The following HMBOX1 variants were observed in gnomAD, a reference collection of about 807,000 sequenced individuals.
The protein encoded by HMBOX1 is homeobox-containing protein 1.
HMBOX1 carries 14 observed loss-of-function variants against 54.5 expected under a neutral mutation model. That is an observed-to-expected ratio of 0.26 (90% CI 0.17 to 0.40). HMBOX1 has a LOEUF of 0.40. HMBOX1 is among the 10% of genes least tolerant of loss of function. HMBOX1 has a pLI of 1.00. For synonymous variants in HMBOX1, 160 were observed against 181.0 expected (o/e 0.88, Z 0.93); for missense variants, 332 against 514.4 (o/e 0.65, Z 3.43).
chr8:28,934,844 G>A (rs551579562), intron 1 of HMBOX1, among the ~76,000 whole-genome samples: 4 of 151,618 alleles, frequency 2.6e-5, no homozygotes, highest in African/African-American at 9.7e-5. Context: ...GGAGAATGGC[G>A]TGAACCCGGG....
intron 4 of HMBOX1, among the ~76,000 whole-genome samples, chr8:28,990,219 T>C (rs1394670772): frequency 6.6e-6 from 1 of 152,192 alleles, no homozygotes; most frequent in Non-Finnish European, 1.5e-5. Flanking sequence ...AGTTCAATCT[T>C]GAATAGAGTG....
chr8:28,949,177 A>G (rs924468750), intron 1 of HMBOX1, among the ~76,000 whole-genome samples: 3 of 152,200 alleles, frequency 2.0e-5, no homozygotes, highest in Non-Finnish European at 4.4e-5. Flanking sequence ...TATGATGATG[A>G]TAGGAGACTC....
chr8:28,992,869 C>CAAA (rs34488854), intron 4 of HMBOX1, among the ~76,000 whole-genome samples: 701 of 56,362 alleles, frequency 0.012, 46 homozygotes, highest in East Asian at 0.043. Flanking sequence ...GACTCTGTCT[C>CAAA]AAAAAAAAAA....
chr8:28,903,106 T>TACACAC (rs151039437), intron 1 of HMBOX1, among the ~76,000 whole-genome samples: 4 of 151,430 alleles, frequency 2.6e-5, no homozygotes, highest in African/African-American at 9.7e-5. Context: ...AGCTTTCTTT[T>TACACAC]ACACACACAC....
chr8:28,913,084 C>T (rs887462648), intron 1 of HMBOX1, among the ~76,000 whole-genome samples: 4 of 152,138 alleles, frequency 2.6e-5, no homozygotes, highest in African/African-American at 9.7e-5. Flanking sequence ...CCTATAGTCA[C>T]CCTGATCCAA....
chr8:29,035,829 T>G (rs1803763493), intron 6 of HMBOX1, among the ~76,000 whole-genome samples: 1 of 152,220 alleles, frequency 6.6e-6, no homozygotes, highest in African/African-American at 2.4e-5. Context: ...TGTTTCTCAG[T>G]TTTTCTTTAA....
intron 5 of HMBOX1, among the ~76,000 whole-genome samples, chr8:29,016,385 A>T (rs929168049): frequency 5.3e-5 from 8 of 152,158 alleles, no homozygotes; most frequent in African/African-American, 9.7e-5. Flanking sequence ...TTAAAGGGAA[A>T]TTTTTTGCTG....
Position 29,052,814 on chromosome 8 carries a change from T to C in HMBOX1, c.*1659T>C, listed in dbSNP as rs886464950. ...TTTCTGCCTCGCTCCATCTCTCCTATGTATAATGAAGCCTTGTTTAAAGGG... is the reference window on the plus strand; with the variant it reads ...TTTCTGCCTCGCTCCATCTCTCCTACGTATAATGAAGCCTTGTTTAAAGGG... On this transcript the variant is annotated 3_prime_UTR_variant, in exon 10 of 10. Coordinates refer to ENST00000287701, the MANE Select transcript of HMBOX1 (RefSeq NM_001135726.3). The C allele has an allele frequency of 2.0e-5, 3 of 152,190 alleles. No homozygotes were observed. The highest frequency in any genetic ancestry group is 7.2e-5 in the African/African-American group (3 of 41,440). 9.4% of individuals were successfully genotyped at this position (152,190 alleles called of 1,614,324 possible). A position where few individuals can be genotyped will look rare whatever the true frequency, so the allele number is the denominator to read the frequency against.
At chr8:28,995,644 A>G (rs554642703) in intron 4 of HMBOX1, among the ~76,000 whole-genome samples, 1 of 152,276 alleles carries the variant, frequency 6.6e-6, no homozygotes, top group Non-Finnish European at 1.5e-5. Context: ...ACTCACCAAC[A>G]CTTTATGATA....
chr8:28,927,452 G>A (rs1173324356), intron 1 of HMBOX1, among the ~76,000 whole-genome samples: 2 of 152,068 alleles, frequency 1.3e-5, no homozygotes, highest in Non-Finnish European at 2.9e-5. Flanking sequence ...ATCTGGTGAG[G>A]GTATCAGGCT....
At chr8:29,041,585 G>A (rs1373902512) in intron 6 of HMBOX1, among the ~76,000 whole-genome samples, 1 of 152,178 alleles carries the variant, frequency 6.6e-6, no homozygotes, top group African/African-American at 2.4e-5. Flanking sequence ...AGGAACAGAT[G>A]AAGTGCGGTG....
At position 28,902,936 on chromosome 8, in the gene HMBOX1, T is replaced by C. The variant is rs190625664; in HGVS notation, c.-58+12258T>C. On this transcript the variant is annotated intron_variant, in intron 1 of 9. Transcript: ENST00000287701. Reference sequence around the variant, plus strand: ...AAATACTGTTAATAATTTGCTTTGCTTTCAGGTTACAAGTGTATTCTCTAT... The same window carrying C: ...AAATACTGTTAATAATTTGCTTTGCCTTCAGGTTACAAGTGTATTCTCTAT... Among the ~76,000 whole-genome samples, 165 of 152,350 alleles carry C rather than the reference T, an allele frequency of 1.1e-3. 2 individuals are homozygous for C. The highest frequency in any genetic ancestry group is 3.8e-3 in the African/African-American group (158 of 41,580).
intron 6 of HMBOX1, among the ~76,000 whole-genome samples, chr8:29,023,716 A>G (rs1484705390): frequency 6.6e-6 from 1 of 152,096 alleles, no homozygotes; most frequent in East Asian, 1.9e-4. Context: ...TTTAGTAACC[A>G]TAAGATTGAT....
chr8:29,009,346 G>C (rs1429263926), intron 5 of HMBOX1, 164 bp downstream of exon 5: 1 of 668,824 alleles, frequency 1.5e-6, no homozygotes, highest in Non-Finnish European at 1.8e-6. Context: ...AACCCTGACT[G>C]TAATAAATTT....
At chr8:28,929,282 A>G (rs1819065861) in intron 1 of HMBOX1, among the ~76,000 whole-genome samples, 1 of 152,180 alleles carries the variant, frequency 6.6e-6, no homozygotes, top group South Asian at 2.1e-4. Context: ...GTGAAAGCAT[A>G]TGAAGTGTTT....
chr8:28,909,301 A>G (rs1028555080), intron 1 of HMBOX1, among the ~76,000 whole-genome samples: 3 of 152,150 alleles, frequency 2.0e-5, no homozygotes, highest in Non-Finnish European at 2.9e-5. Flanking sequence ...TTATAATCTC[A>G]TTGGCTGATA....
intron 4 of HMBOX1, among the ~76,000 whole-genome samples, chr8:28,993,529 T>G (rs1198461671): frequency 6.6e-6 from 1 of 152,140 alleles, no homozygotes; most frequent in African/African-American, 2.4e-5. Flanking sequence ...TATTTGTCCA[T>G]TAAAGAATAA....
At position 29,018,871 on chromosome 8, in the gene HMBOX1, G is replaced by A. The variant is rs760534979; in HGVS notation, c.809G>A (p.Ser270Asn). Residue 270 changes from serine (S) to asparagine (N), a missense_variant, in exon 6 of 10, where the codon AGT becomes AAT. By Grantham distance (46) the Ser-to-Asn change is conservative (BLOSUM62 1). Coordinates refer to ENST00000287701, the MANE Select transcript of HMBOX1 (RefSeq NM_001135726.3). The part of the protein sequence containing the change: ...TSGTFRLRRG[S>N]RFTWRKECLA... The stretch of plus-strand genomic sequence containing the variant: ...GGTACTTTCCGACTGCGACGAGGGA[G>A]TCGATTTACCTGGAGAAAGGAGTGC... The A allele has an allele frequency of 6.2e-7, 1 of 1,614,162 alleles. No homozygotes were observed. Among genetic ancestry groups the A allele is most frequent in the Admixed American group, 1.7e-5 (1 of 60,030 alleles).
At chr8:29,009,520 T>C (rs1833931157) in intron 5 of HMBOX1, 1 of 764,928 alleles carries the variant, frequency 1.3e-6, no homozygotes, top group Non-Finnish European at 1.5e-6. Context: ...AGATTCCGTA[T>C]CTCTTTTTTT....
Sources: allele counts gnomAD v4.1 joint callset (sites outside exome capture counted in the v4.1 genomes callset), GRCh38; gene constraint gnomAD v4.1.1; transcripts MANE v1.5; gene names NCBI Gene and HGNC (gene_info 2026-07-23, HGNC 2026-07-21).